The following TRMT10B variants were observed in gnomAD, a reference collection of about 807,000 sequenced individuals.
TRMT10B encodes the protein tRNA methyltransferase 10 homolog B.
A neutral mutation model predicts 43.8 loss-of-function variants in TRMT10B; 33 were observed. That is an observed-to-expected ratio of 0.75 (90% CI 0.57 to 1.01). The LOEUF is 1.01. TRMT10B is among the 50% of genes least tolerant of loss of function. TRMT10B has a pLI of 0.00. For synonymous variants in TRMT10B, 137 were observed against 130.6 expected (o/e 1.05, Z -0.34); for missense variants, 362 against 369.8 (o/e 0.98, Z 0.17).
At chr9:37,766,907 T>G (rs948768258) in intron 4 of TRMT10B, 1 of 152,212 alleles carries the variant, frequency 6.6e-6, no homozygotes, top group Non-Finnish European at 1.5e-5. Context: ...ATGCTTGTGA[T>G]TTTTGCACAT....
In TRMT10B at chr9:37,761,833, A is replaced by G. The variant is rs1308780647; in HGVS notation, c.-29-70A>G. ...TTCAGTAACACAATAACACTTTGTCATTTGGATGTAGGGAGATACCTATGT... is the reference window on the plus strand; with the variant it reads ...TTCAGTAACACAATAACACTTTGTCGTTTGGATGTAGGGAGATACCTATGT... On this transcript the variant is annotated intron_variant, in intron 1 of 8. Transcript: ENST00000297994. 5 of 1,089,370 alleles carry G rather than the reference A, an allele frequency of 4.6e-6. No homozygotes were observed. The East Asian group carries it at 1.0e-4, about 22-fold the overall frequency. 67.5% of individuals were successfully genotyped at this position (1,089,370 alleles called of 1,614,324 possible).
intron 5 of TRMT10B, among the ~76,000 whole-genome samples, chr9:37,768,667 G>A (rs1235168701): frequency 6.6e-6 from 1 of 152,322 alleles, no homozygotes; most frequent in East Asian, 1.9e-4. Flanking sequence ...ATACATGCAA[G>A]AATCCAAATG....
At chr9:37,777,266 C>A (rs998147551) in intron 8 of TRMT10B, among the ~76,000 whole-genome samples, 2 of 135,992 alleles carry the variant, frequency 1.5e-5, no homozygotes, top group Non-Finnish European at 3.1e-5. Flanking sequence ...CAGCTTTTAA[C>A]CTCTCACCAC....
chr9:37,756,763 T>TATAC (rs901108160), intron 1 of TRMT10B, among the ~76,000 whole-genome samples: 2 of 151,394 alleles, frequency 1.3e-5, no homozygotes, highest in African/African-American at 2.4e-5. Flanking sequence ...CATATATATA[T>TATAC]ACACATATAT....
At chr9:37,762,977 C>CCA (rs1826534742) in intron 3 of TRMT10B, among the ~76,000 whole-genome samples, 3 of 85,164 alleles carry the variant, frequency 3.5e-5, no homozygotes, top group Non-Finnish European at 4.6e-5. Context: ...ACTAAAAATA[C>CCA]AAAAAAAAAA....
intron 4 of TRMT10B, among the ~76,000 whole-genome samples, chr9:37,764,930 A>G (rs1253867707): frequency 1.3e-5 from 2 of 152,086 alleles, no homozygotes. Context: ...AATCAAGAAC[A>G]GAATGAACAG....
chr9:37,761,336 C>T (rs1826301714), intron 1 of TRMT10B, among the ~76,000 whole-genome samples: 1 of 152,192 alleles, frequency 6.6e-6, no homozygotes, highest in South Asian at 2.1e-4. Flanking sequence ...ACTTGGTTAT[C>T]TGTGTCACTG....
At chr9:37,772,043 A>T (rs1270574514) in intron 7 of TRMT10B, among the ~76,000 whole-genome samples, 1 of 151,846 alleles carries the variant, frequency 6.6e-6, no homozygotes, top group Admixed American at 6.6e-5. Flanking sequence ...ACATGGTCTC[A>T]CTCTGTTGCC....
chr9:37,766,652 C>T (rs1440862804), intron 4 of TRMT10B, among the ~76,000 whole-genome samples: 1 of 152,190 alleles, frequency 6.6e-6, no homozygotes, highest in African/African-American at 2.4e-5. Flanking sequence ...GGCATTGAAT[C>T]TATAAATTAC....
At chr9:37,753,375 T>A (rs1416407651), upstream of TRMT10B, among the ~76,000 whole-genome samples, 1 of 152,198 alleles carries the variant, frequency 6.6e-6, no homozygotes, top group Admixed American at 6.5e-5. Flanking sequence ...GGATGGGATA[T>A]AATATCAGTG....
intron 1 of TRMT10B, 111 bp from the exon 2 acceptor site, chr9:37,761,792 T>C: frequency 1.4e-6 from 1 of 730,946 alleles, no homozygotes; most frequent in Non-Finnish European, 2.2e-6. Flanking sequence ...TCTGGTTCAG[T>C]ATTTTACACA....
intron 4 of TRMT10B, among the ~76,000 whole-genome samples, chr9:37,764,081 A>C (rs970113999): frequency 3.9e-5 from 6 of 152,148 alleles, no homozygotes; most frequent in African/African-American, 1.2e-4. Flanking sequence ...TGGGAAGAGG[A>C]ATATTTGCCT....
chr9:37,757,006 CTT>C (rs11412966), intron 1 of TRMT10B, among the ~76,000 whole-genome samples: 2 of 147,334 alleles, frequency 1.4e-5, no homozygotes, highest in Non-Finnish European at 3.0e-5. Context: ...TATCTCTTAA[CTT>C]TTTTTTTTTT....
Position 37,757,908 on chromosome 9 carries a change from A to G in TRMT10B, c.-29-3995A>G, listed in dbSNP as rs1256554533. Among the ~76,000 whole-genome samples, 6 of 152,262 alleles carry G rather than the reference A, an allele frequency of 3.9e-5. No individual in the cohort carries two copies. In the South Asian group the frequency reaches 8.3e-4, roughly 21 times the overall value. ...AGTGTGTCTGAATTCTAAGAATGCT[A>G]TTTTCCCGCTTAAACCTATTTTAAG... is the stretch of plus-strand genomic sequence containing the variant. On this transcript the variant is annotated intron_variant, in intron 1 of 8. Transcript: ENST00000297994.
chr9:37,762,168 A>T, intron 2 of TRMT10B, 51 bp downstream of exon 2: 1 of 1,547,798 alleles, frequency 6.5e-7, no homozygotes, highest in Non-Finnish European at 8.8e-7. Context: ...GAATGTCTCA[A>T]GACACCCCTG....
Position 37,762,191 on chromosome 9 carries a change from A to G in TRMT10B, c.186+74A>G. The G allele has an allele frequency of 2.1e-6, 3 of 1,436,334 alleles. No individual in the cohort carries two copies. The South Asian group carries it at 4.1e-5, about 20-fold the overall frequency. 89.0% of individuals were successfully genotyped at this position (1,436,334 alleles called of 1,614,324 possible). On this transcript the variant is annotated intron_variant, in intron 2 of 8. Coordinates refer to ENST00000297994, the MANE Select transcript of TRMT10B (RefSeq NM_144964.4). ...CAAGACACCCCTGTTTTAAAGATGG[A>G]TACTGGTAGTGAAAAGAGAGACGGA...
In TRMT10B at chr9:37,771,586, C is replaced by CA. The variant is rs1388441416; in HGVS notation, c.720+848dup. Among the ~76,000 whole-genome samples, 4 of 152,270 alleles carry CA rather than the reference C, an allele frequency of 2.6e-5. No homozygotes were observed. The East Asian group carries it at 7.7e-4, about 29-fold the overall frequency. The stretch of plus-strand genomic sequence containing the variant: ...CCATAGTGATCATCTAAAATACGAG[C>CA]AGGGGCTACTTACAGAAGAATGCAG... On this transcript the variant is annotated intron_variant, in intron 7 of 8. Coordinates refer to ENST00000297994, the MANE Select transcript of TRMT10B (RefSeq NM_144964.4).
At chr9:37,771,368 C>G (rs1827560497) in intron 7 of TRMT10B, among the ~76,000 whole-genome samples, 1 of 152,130 alleles carries the variant, frequency 6.6e-6, no homozygotes, top group Non-Finnish European at 1.5e-5. Context: ...CAACCGATGT[C>G]AAGTTTTCTT....
chr9:37,754,381 G>A (rs1055162052), intron 1 of TRMT10B, among the ~76,000 whole-genome samples: 1 of 152,174 alleles, frequency 6.6e-6, no homozygotes, highest in Non-Finnish European at 1.5e-5. Context: ...GCCTTGAAGG[G>A]TATGTTTGAG....
Sources: gnomAD v4.1 joint callset for allele counts (sites outside exome capture counted in the v4.1 genomes callset) on GRCh38, gnomAD v4.1.1 for gene constraint, MANE v1.5 for transcripts, NCBI Gene and HGNC (gene_info 2026-07-23, HGNC 2026-07-21) for gene names.